CNBD1: variants seen among roughly 807,000 people sequenced by gnomAD.
CNBD1 encodes the protein cyclic nucleotide-binding domain-containing protein 1.
A neutral mutation model predicts 54.4 loss-of-function variants in CNBD1; 71 were observed. The observed-to-expected ratio is 1.30, with a 90% confidence interval of 1.08 to 1.59. The LOEUF is 1.59. CNBD1 is among the 40% of genes most tolerant of loss of function. The pLI is 0.00. For missense variants in CNBD1, 659 were observed against 518.0 expected (o/e 1.27, Z -2.64); for synonymous variants, 182 against 170.7 (o/e 1.07, Z -0.51).
chr8:87,125,287 A>G (rs1414711026), intron 4 of CNBD1, among the ~76,000 whole-genome samples: 1 of 151,824 alleles, frequency 6.6e-6, no homozygotes, highest in African/African-American at 2.4e-5. Context: ...AAAAAAATCA[A>G]TATTAAATTT....
At chr8:87,071,934 T>G (rs2130652970) in intron 4 of CNBD1, among the ~76,000 whole-genome samples, 1 of 152,266 alleles carries the variant, frequency 6.6e-6, no homozygotes, top group South Asian at 2.1e-4. Flanking sequence ...ACTATACTTG[T>G]GTGGGAGTCT....
At chr8:86,949,482 G>A in intron 4 of CNBD1, among the ~76,000 whole-genome samples, 1 of 151,802 alleles carries the variant, frequency 6.6e-6, no homozygotes. Context: ...TTAATTCCTG[G>A]GTATTTAATT....
At chr8:87,327,385 GGGC>G (rs1809701397) in intron 8 of CNBD1, among the ~76,000 whole-genome samples, 1 of 151,698 alleles carries the variant, frequency 6.6e-6, no homozygotes. Context: ...GGGCAATGGT[GGGC>G]GCCCCTCCCC....
chr8:87,364,665 C>T (rs1289824938), intron 10 of CNBD1, among the ~76,000 whole-genome samples: 3 of 151,774 alleles, frequency 2.0e-5, no homozygotes, highest in Non-Finnish European at 4.4e-5. Context: ...CTCTGATAGG[C>T]CCCAGTGTGT....
At chr8:87,425,862 C>G (rs567406803) in intron 2 of CNBD1, among the ~76,000 whole-genome samples, 125 of 152,178 alleles carry the variant, frequency 8.2e-4, no homozygotes, top group Non-Finnish European at 1.4e-3. Context: ...TCGAGCTTCC[C>G]AGCTGCTTTG....
In CNBD1 at chr8:87,398,518, C is replaced by T. The variant is rs188497701; in HGVS notation, c.214-30028C>T. Among the ~76,000 whole-genome samples, 591 of 151,990 alleles carry T rather than the reference C, an allele frequency of 3.9e-3. 8 individuals carry two copies. Among genetic ancestry groups the T allele is most frequent in the African/African-American group, 0.013 (557 of 41,520 alleles). On this transcript the variant is annotated intron_variant, in intron 2 of 7. Coordinates refer to the CNBD1 transcript ENST00000521593. ...ATAAAAATATACATTCTGGTGATCC[C>T]TCTCAATTTTTCCAAATGCTTTTCA... is the stretch of plus-strand genomic sequence containing the variant.
intron 4 of CNBD1, among the ~76,000 whole-genome samples, chr8:87,188,912 AC>A: frequency 6.6e-6 from 1 of 151,430 alleles, no homozygotes; most frequent in Admixed American, 6.6e-5. Flanking sequence ...GTTATTGTAA[AC>A]TTTTGAGCAC....
chr8:87,356,401 T>C (rs77666863), intron 10 of CNBD1, among the ~76,000 whole-genome samples: 3,685 of 152,228 alleles, frequency 0.024, 154 homozygotes, highest in African/African-American at 0.081. Context: ...AGGCCTTAGA[T>C]GGAAATGAGG....
At chr8:87,025,830 A>G (rs1809631948) in intron 4 of CNBD1, among the ~76,000 whole-genome samples, 1 of 152,162 alleles carries the variant, frequency 6.6e-6, no homozygotes, top group South Asian at 2.1e-4. Flanking sequence ...ACTCACCACG[A>G]CTGTCTGCGG....
intron 4 of CNBD1, among the ~76,000 whole-genome samples, chr8:87,091,139 C>CAAAA (rs751329879): frequency 2.0e-4 from 15 of 74,048 alleles, no homozygotes; most frequent in African/African-American, 2.5e-4. Context: ...GACTCTGTCT[C>CAAAA]AAAAAAAAAA....
intron 4 of CNBD1, among the ~76,000 whole-genome samples, chr8:87,173,789 A>G (rs1813141659): frequency 6.6e-6 from 1 of 151,544 alleles, no homozygotes. Context: ...GTACATGGAT[A>G]TTGATAACTT....
chr8:87,409,548 AATTTTGGAAGCATATGCC>A (rs1282020753), intron 2 of CNBD1, among the ~76,000 whole-genome samples: 12 of 152,286 alleles, frequency 7.9e-5, no homozygotes, highest in African/African-American at 2.9e-4. Flanking sequence ...AAAACAGCCC[AATTTTGGAAGCATATGCC>A]ATCTTCAACT....
At chr8:87,263,597 C>T (rs1808188421) in intron 6 of CNBD1, among the ~76,000 whole-genome samples, 1 of 151,980 alleles carries the variant, frequency 6.6e-6, no homozygotes, top group African/African-American at 2.4e-5. Context: ...GTATGACATC[C>T]AACGAACACA....
chr8:87,103,160 A>G (rs11988630), intron 4 of CNBD1, among the ~76,000 whole-genome samples: 1,657 of 152,318 alleles, frequency 0.011, 40 homozygotes, highest in African/African-American at 0.038. Context: ...AAATATCAGC[A>G]TACAGATGGT....
chr8:87,081,563 T>C (rs550379324), intron 4 of CNBD1, among the ~76,000 whole-genome samples: 1 of 151,412 alleles, frequency 6.6e-6, no homozygotes, highest in Non-Finnish European at 1.5e-5. Flanking sequence ...TGGAGTGCAG[T>C]GGCGCGACCT....
chr8:87,375,629 T>A (rs909456878), intron 10 of CNBD1, among the ~76,000 whole-genome samples: 1 of 151,850 alleles, frequency 6.6e-6, no homozygotes, highest in Non-Finnish European at 1.5e-5. Flanking sequence ...GGAATATTGG[T>A]ATAGAAACCA....
chr8:87,258,980 A>G lies in CNBD1; in HGVS notation c.771+21868A>G, dbSNP rs1196326137. On this transcript the variant is annotated intron_variant, in intron 6 of 10. Transcript: ENST00000518476. ...TTAAAACAATCCTTTAACCTAAACT[A>G]AGCAAACATTTACATTCTCATACCT... Among the ~76,000 whole-genome samples the G allele has an allele frequency of 2.6e-5, 4 of 152,184 alleles. No individual in the cohort carries two copies. The East Asian group carries it at 7.7e-4, about 29-fold the overall frequency.
At chr8:87,401,576 G>T (rs1397167002) in intron 2 of CNBD1, among the ~76,000 whole-genome samples, 1 of 151,868 alleles carries the variant, frequency 6.6e-6, no homozygotes, top group Non-Finnish European at 1.5e-5. Flanking sequence ...TGTTGTTGTT[G>T]ACTTTTTTAC....
chr8:87,235,428 A>G (rs949943989), intron 5 of CNBD1, among the ~76,000 whole-genome samples: 1 of 152,082 alleles, frequency 6.6e-6, no homozygotes, highest in African/African-American at 2.4e-5. Context: ...TCTTCCTTTG[A>G]CTTGAACACT....
Sources: gnomAD v4.1 joint callset for allele counts (sites outside exome capture counted in the v4.1 genomes callset) on GRCh38, gnomAD v4.1.1 for gene constraint, MANE v1.5 for transcripts, NCBI Gene and HGNC (gene_info 2026-07-23, HGNC 2026-07-21) for gene names.